The following TPH2 variants were observed in gnomAD, a reference collection of about 807,000 sequenced individuals.
The protein encoded by TPH2 is tryptophan 5-hydroxylase 2.
Under a neutral mutation model 59.1 loss-of-function variants are expected in TPH2, and 27 were observed. The ratio of observed to expected loss-of-function variants is 0.46; its 90% CI spans 0.34 to 0.63. TPH2 has a LOEUF of 0.63. TPH2 is among the 30% of genes least tolerant of loss of function. TPH2 has a pLI of 0.01. For missense variants in TPH2, 523 were observed against 588.3 expected (o/e 0.89, Z 1.15); for synonymous variants, 220 against 210.5 (o/e 1.05, Z -0.39).
At position 71,962,171 on chromosome 12, in the gene TPH2, C is replaced by T. The variant is rs959718369; in HGVS notation, c.609-10348C>T. 7.1e-6 allele frequency: 7 copies of T among 985,904 alleles called. No homozygotes were observed. In the Admixed American group the frequency reaches 3.0e-4, roughly 43 times the overall value. 61.1% of individuals were successfully genotyped at this position (985,904 alleles called of 1,614,324 possible). ...CTACAGATGAGTCCCCGTCAAGCCACGTATGTCAGATGACTTGAATGTTTT... is the reference window on the plus strand; with the variant it reads ...CTACAGATGAGTCCCCGTCAAGCCATGTATGTCAGATGACTTGAATGTTTT... On this transcript the variant is annotated intron_variant, in intron 5 of 10. Transcript: ENST00000333850.
chr12:71,975,163 A>G (rs773183548), intron 6 of TPH2, among the ~76,000 whole-genome samples: 18 of 152,106 alleles, frequency 1.2e-4, no homozygotes, highest in Admixed American at 5.9e-4. Context: ...CCTGGCCAAC[A>G]TGGTGAAACC....
At chr12:71,939,412 A>AT (rs1188790090) in intron 1 of TPH2, among the ~76,000 whole-genome samples, 10 of 151,926 alleles carry the variant, frequency 6.6e-5, no homozygotes, top group Non-Finnish European at 1.3e-4. Flanking sequence ...AAAAAAAAAA[A>AT]AATGGAGTGT....
intron 7 of TPH2, among the ~76,000 whole-genome samples, chr12:71,981,335 T>G (rs541641223): frequency 6.6e-6 from 1 of 152,332 alleles, no homozygotes; most frequent in South Asian, 2.1e-4. Flanking sequence ...ACATTTGGAC[T>G]TAGTTCTGTA....
At chr12:71,969,985 C>T (rs1433268261) in intron 5 of TPH2, among the ~76,000 whole-genome samples, 1 of 152,134 alleles carries the variant, frequency 6.6e-6, no homozygotes, top group African/African-American at 2.4e-5. Flanking sequence ...AAACATATGC[C>T]TGGCACATAG....
At chr12:71,986,630 C>CTTTTTTT (rs36018735) in intron 7 of TPH2, among the ~76,000 whole-genome samples, 4 of 131,364 alleles carry the variant, frequency 3.0e-5, no homozygotes, top group Admixed American at 2.4e-4. Context: ...AGCCACCCTT[C>CTTTTTTT]TTTTTTTTTT....
At chr12:72,007,098 T>C (rs1872974030) in intron 8 of TPH2, among the ~76,000 whole-genome samples, 1 of 152,120 alleles carries the variant, frequency 6.6e-6, no homozygotes, top group African/African-American at 2.4e-5. Context: ...GACTATGCAG[T>C]TTATATTACA....
At chr12:71,981,695 T>C (rs77986474) in intron 7 of TPH2, among the ~76,000 whole-genome samples, 10,706 of 151,850 alleles carry the variant, frequency 0.071, 1,300 homozygotes, top group African/African-American at 0.25. Context: ...CTGAGAATAT[T>C]GGAGGAGGAT....
At chr12:71,972,768 C>A in intron 6 of TPH2, 53 bp downstream of exon 6, 1 of 1,560,082 alleles carries the variant, frequency 6.4e-7, no homozygotes, top group Non-Finnish European at 8.8e-7. Context: ...AATTGCCTTC[C>A]AAGGACACAG....
At chr12:71,944,500 G>C (rs756806474) in intron 3 of TPH2, 23 bp downstream of exon 3, 7 of 1,613,740 alleles carry the variant, frequency 4.3e-6, no homozygotes, top group Non-Finnish European at 5.9e-6. Context: ...TTAGCTTGTC[G>C]GGTAACTTTG....
At chr12:71,945,410 C>G (rs935419179) in intron 4 of TPH2, among the ~76,000 whole-genome samples, 3 of 152,024 alleles carry the variant, frequency 2.0e-5, no homozygotes, top group African/African-American at 7.2e-5. Context: ...AAGCAATGCA[C>G]CCATTCATTA....
At position 71,961,748 on chromosome 12, in the gene TPH2, G is replaced by A. The variant is rs141136272; in HGVS notation, c.609-10771G>A. 27 of 1,333,938 alleles carry A rather than the reference G, an allele frequency of 2.0e-5. No homozygotes were observed. In the East Asian group the frequency reaches 1.2e-3, roughly 61 times the overall value. The allele number at this position is 1,333,938 out of a possible 1,614,324, so 82.6% of individuals were successfully genotyped here. A position where few individuals can be genotyped will look rare whatever the true frequency, so the allele number is the denominator to read the frequency against. On this transcript the variant is annotated intron_variant, in intron 5 of 10. Coordinates refer to ENST00000333850, the MANE Select transcript of TPH2 (RefSeq NM_173353.4). ...AATCACTTCTCTAGAATATGAAGAG[G>A]ACTTTCTGCAAGGTGAGAAAATAGT...
chr12:71,975,482 T>C (rs933085767), intron 6 of TPH2, among the ~76,000 whole-genome samples: 12 of 152,190 alleles, frequency 7.9e-5, no homozygotes, highest in African/African-American at 2.7e-4. Flanking sequence ...CAGCTCAGCC[T>C]CAATGTGAGG....
chr12:72,030,716 T>A (rs534932475), intron 9 of TPH2, among the ~76,000 whole-genome samples: 2 of 152,128 alleles, frequency 1.3e-5, no homozygotes, highest in African/African-American at 4.8e-5. Context: ...TTTTTAAGTA[T>A]CCTCAAATAT....
rs562311021 is a variant in TPH2, at chr12:71,977,133, C to T, written c.806-1819C>T. 7.2e-5 allele frequency among the ~76,000 whole-genome samples: 11 copies of T among 152,236 alleles called. No homozygotes were observed. In the South Asian group the frequency reaches 2.1e-3, roughly 29 times the overall value. On this transcript the variant is annotated intron_variant, in intron 6 of 10. Coordinates refer to ENST00000333850, the MANE Select transcript of TPH2 (RefSeq NM_173353.4). ...GTGGCGTAAGCTCGGCTCACTGCAA[C>T]CTCCACCTCCTAGGCTCAAGCGATT...
chr12:71,971,209 T>A (rs895114958), intron 5 of TPH2, among the ~76,000 whole-genome samples: 1 of 152,214 alleles, frequency 6.6e-6, no homozygotes, highest in Non-Finnish European at 1.5e-5. Flanking sequence ...TATGCATGGG[T>A]TCCTGTAGTG....
chr12:71,987,963 T>G (rs1448252139), intron 7 of TPH2, among the ~76,000 whole-genome samples: 1 of 152,218 alleles, frequency 6.6e-6, no homozygotes, highest in Non-Finnish European at 1.5e-5. Context: ...TTATCTACAT[T>G]TATTAATTAA....
intron 5 of TPH2, among the ~76,000 whole-genome samples, chr12:71,969,100 G>A (rs1315249944): frequency 6.6e-6 from 1 of 152,130 alleles, no homozygotes; most frequent in African/African-American, 2.4e-5. Context: ...TGGCTAACAC[G>A]GTGAAACCCC....
chr12:71,939,561 T>A (rs1159383581), intron 1 of TPH2, among the ~76,000 whole-genome samples: 1 of 152,174 alleles, frequency 6.6e-6, no homozygotes, highest in African/African-American at 2.4e-5. Flanking sequence ...AACATAGAAC[T>A]ATTATTTTCT....
intron 7 of TPH2, among the ~76,000 whole-genome samples, chr12:71,985,420 A>G (rs927444457): frequency 1.3e-5 from 2 of 151,938 alleles, no homozygotes; most frequent in African/African-American, 4.8e-5. Context: ...ATTTTTTGAG[A>G]CGGAGTCCCA....
Sources: allele counts gnomAD v4.1 joint callset (sites outside exome capture counted in the v4.1 genomes callset), GRCh38; gene constraint gnomAD v4.1.1; transcripts MANE v1.5; gene names NCBI Gene and HGNC (gene_info 2026-07-23, HGNC 2026-07-21).